C8orf34: variants seen among roughly 807,000 people sequenced by gnomAD.
The protein encoded by C8orf34 is chromosome 8 open reading frame 34.
C8orf34 carries 65 observed loss-of-function variants against 68.3 expected under a neutral mutation model. That is an observed-to-expected ratio of 0.95 (90% confidence interval 0.78 to 1.17). The LOEUF (loss-of-function observed/expected upper bound fraction) is 1.17. C8orf34 is among the 50% of genes most tolerant of loss of function. C8orf34 has a pLI of 0.00. For missense variants in C8orf34, 664 were observed against 655.4 expected (o/e 1.01, Z -0.14); for synonymous variants, 244 against 241.2 (o/e 1.01, Z -0.11).
At chr8:68,811,860 T>G (rs552197311) in intron 12 of C8orf34, among the ~76,000 whole-genome samples, 1 of 152,300 alleles carries the variant, frequency 6.6e-6, no homozygotes, top group Non-Finnish European at 1.5e-5. Flanking sequence ...AAATATTTTT[T>G]CCCAAGAATA....
At chr8:68,688,201 A>G (rs1274342019) in intron 8 of C8orf34, among the ~76,000 whole-genome samples, 2 of 152,110 alleles carry the variant, frequency 1.3e-5, no homozygotes, top group African/African-American at 4.8e-5. Flanking sequence ...TATGGAAAAT[A>G]GTATGGAGAT....
chr8:68,559,597 T>C (rs1041630932), intron 7 of C8orf34, among the ~76,000 whole-genome samples: 2 of 152,204 alleles, frequency 1.3e-5, no homozygotes, highest in East Asian at 1.9e-4. Flanking sequence ...GTCATAAGAA[T>C]ACGTGTGACC....
Position 68,548,238 on chromosome 8 carries a change from G to A in C8orf34, c.1105+15089G>A, listed in dbSNP as rs1815951500. On this transcript the variant is annotated intron_variant, in intron 7 of 13. Coordinates refer to ENST00000518698, the MANE Select transcript of C8orf34 (RefSeq NM_052958.4). Reference sequence around the variant, plus strand: ...TTCTCAAAAAATAAAAAGAAAAATTGTAAATGCATTCCACTCACTGATTTA... The same window carrying A: ...TTCTCAAAAAATAAAAAGAAAAATTATAAATGCATTCCACTCACTGATTTA... Among the ~76,000 whole-genome samples the A allele has an allele frequency of 2.0e-5, 3 of 151,614 alleles. 1 individual carries two copies. In the South Asian group the frequency reaches 6.2e-4, roughly 31 times the overall value.
chr8:68,812,759 G>C lies in C8orf34; in HGVS notation c.1550-3127G>C, dbSNP rs114086876. Among the ~76,000 whole-genome samples, 1,065 of 152,108 alleles carry C rather than the reference G, an allele frequency of 7.0e-3. 12 individuals carry two copies. The highest frequency in any genetic ancestry group is 0.024 in the African/African-American group (1,005 of 41,482). The stretch of plus-strand genomic sequence containing the variant: ...ATGAATGAATAAATGAATAAATTTA[G>C]TTCAAATTGGTTACGTAACTTTTAA... On this transcript the variant is annotated intron_variant, in intron 12 of 13. Transcript: ENST00000518698.
intron 7 of C8orf34, among the ~76,000 whole-genome samples, chr8:68,550,978 G>A (rs1328317653): frequency 6.6e-6 from 1 of 150,572 alleles, no homozygotes; most frequent in South Asian, 2.1e-4. Context: ...CACATAGTAT[G>A]CCTAGGTATA....
chr8:68,405,092 A>T (rs1219439015), intron 1 of C8orf34, among the ~76,000 whole-genome samples: 6 of 151,996 alleles, frequency 3.9e-5, no homozygotes, highest in Non-Finnish European at 8.8e-5. Flanking sequence ...CATCCCTTGT[A>T]TGTTGTATTC....
intron 1 of C8orf34, among the ~76,000 whole-genome samples, chr8:68,347,177 T>C (rs1484111179): frequency 6.6e-6 from 1 of 152,048 alleles, no homozygotes. Flanking sequence ...TAAGTTCTTA[T>C]TATTTAGCTC....
chr8:68,377,525 T>C (rs543978162), intron 1 of C8orf34, among the ~76,000 whole-genome samples: 57 of 152,306 alleles, frequency 3.7e-4, no homozygotes, highest in South Asian at 2.7e-3. Context: ...GTTTCAGTTA[T>C]AATCTTAGTA....
At chr8:68,571,126 A>G (rs1348144090) in intron 7 of C8orf34, among the ~76,000 whole-genome samples, 2 of 152,162 alleles carry the variant, frequency 1.3e-5, no homozygotes, top group Admixed American at 6.5e-5. Flanking sequence ...TGGAAATAAA[A>G]CATCTAGAAC....
chr8:68,574,216 A>G (rs919350089), intron 7 of C8orf34, among the ~76,000 whole-genome samples: 3 of 152,096 alleles, frequency 2.0e-5, no homozygotes, highest in African/African-American at 7.2e-5. Flanking sequence ...TTAATATTTG[A>G]TAGGTGAAAT....
In C8orf34 at chr8:68,567,577, C is replaced by CTTTTT. The variant is rs1160845483; in HGVS notation, c.1105+34459_1105+34463dup. 4.9e-3 allele frequency among the ~76,000 whole-genome samples: 146 copies of CTTTTT among 29,796 alleles called. 30 individuals are homozygous for CTTTTT. The highest frequency in any genetic ancestry group is 0.014 in the East Asian group (9 of 644). 19.5% of individuals were successfully genotyped at this position (29,796 alleles called of 152,430 possible). Reference sequence around the variant, plus strand: ...TCTTTTCAAATTTTGTTTCATTTATCTTTTTTTTTTTTTTTTTTTTTTTTT... The same window carrying CTTTTT: ...TCTTTTCAAATTTTGTTTCATTTATCTTTTTTTTTTTTTTTTTTTTTTTTTTTTTT... On this transcript the variant is annotated intron_variant, in intron 7 of 13. Coordinates refer to ENST00000518698, the MANE Select transcript of C8orf34 (RefSeq NM_052958.4).
At chr8:68,592,747 T>C (rs962869063) in intron 7 of C8orf34, among the ~76,000 whole-genome samples, 2 of 151,942 alleles carry the variant, frequency 1.3e-5, no homozygotes, top group African/African-American at 4.8e-5. Flanking sequence ...TAGCTAGAAT[T>C]ACAGTCATGT....
At chr8:68,645,205 G>T (rs79505579) in intron 8 of C8orf34, among the ~76,000 whole-genome samples, 8 of 152,080 alleles carry the variant, frequency 5.3e-5, no homozygotes, top group Admixed American at 4.6e-4. Context: ...TTAAAAGCTG[G>T]GTTTTTAGCT....
chr8:68,468,856 A>G lies in C8orf34; in HGVS notation c.736+36A>G, dbSNP rs150118220. 2.0e-4 allele frequency: 320 copies of G among 1,590,738 alleles called. 2 individuals are homozygous for G. The East Asian group carries it at 4.5e-3, about 23-fold the overall frequency. On this transcript the variant is annotated intron_variant, in intron 4 of 13. Coordinates refer to ENST00000518698, the MANE Select transcript of C8orf34 (RefSeq NM_052958.4). ...TTACTTGATTATAATTGAAACTCCTAACCAATATTAAAGCCGAAGCATTCA... is the reference window on the plus strand; with the variant it reads ...TTACTTGATTATAATTGAAACTCCTGACCAATATTAAAGCCGAAGCATTCA...
At chr8:68,562,242 T>C (rs1816453755) in intron 7 of C8orf34, among the ~76,000 whole-genome samples, 1 of 152,180 alleles carries the variant, frequency 6.6e-6, no homozygotes, top group African/African-American at 2.4e-5. Context: ...TTCATTATAA[T>C]CTTATGAGAC....
At chr8:68,687,419 A>G (rs1820552180) in intron 8 of C8orf34, among the ~76,000 whole-genome samples, 1 of 152,146 alleles carries the variant, frequency 6.6e-6, no homozygotes, top group African/African-American at 2.4e-5. Context: ...ATAGGATCTT[A>G]GACCAATGGA....
At chr8:68,528,286 C>T (rs1815099023) in intron 6 of C8orf34, among the ~76,000 whole-genome samples, 1 of 152,144 alleles carries the variant, frequency 6.6e-6, no homozygotes, top group African/African-American at 2.4e-5. Flanking sequence ...TTCTCATTAT[C>T]TGCAAATCCA....
chr8:68,752,267 T>G (rs1044856023), intron 10 of C8orf34, among the ~76,000 whole-genome samples: 1 of 152,202 alleles, frequency 6.6e-6, no homozygotes, highest in African/African-American at 2.4e-5. Flanking sequence ...TAAATTAAAT[T>G]TCCCTGCCTT....
At chr8:68,458,340 C>T (rs940429084) in intron 3 of C8orf34, among the ~76,000 whole-genome samples, 75 of 152,282 alleles carry the variant, frequency 4.9e-4, no homozygotes, top group African/African-American at 1.6e-3. Flanking sequence ...CCTCACCTGA[C>T]GTGCCCATGT....
Sources: gnomAD v4.1 joint callset for allele counts (sites outside exome capture counted in the v4.1 genomes callset) on GRCh38, gnomAD v4.1.1 for gene constraint, MANE v1.5 for transcripts, NCBI Gene and HGNC (gene_info 2026-07-23, HGNC 2026-07-21) for gene names.